The following RIMS2 variants were observed in gnomAD, a reference collection of about 807,000 sequenced individuals.
RIMS2 encodes regulating synaptic membrane exocytosis protein 2.
RIMS2 carries 59 observed loss-of-function variants against 174.4 expected under a neutral mutation model. That is an observed-to-expected ratio of 0.34 (90% confidence interval 0.27 to 0.42). The LOEUF (loss-of-function observed/expected upper bound fraction) is 0.42, where lower values mean the gene tolerates loss of function less well. Among genes scored for constraint, RIMS2 ranks in the 10% least tolerant of loss-of-function variants. RIMS2 has a pLI of 1.00. For synonymous variants in RIMS2, 606 were observed against 572.5 expected, an observed-to-expected ratio of 1.06 and a Z score of -0.84; for missense variants, 1,620 against 1,666.3, an observed-to-expected ratio of 0.97 and a Z score of 0.48.
intron 19 of RIMS2, among the ~76,000 whole-genome samples, chr8:104,085,169 A>C (rs1355762582): frequency 6.6e-6 from 1 of 152,208 alleles, no homozygotes; most frequent in African/African-American, 2.4e-5. Context: ...ATTTTACTTC[A>C]CACAACAAGA....
intron 1 of RIMS2, among the ~76,000 whole-genome samples, chr8:103,647,894 T>TG (rs2096372499): frequency 7.0e-6 from 1 of 143,636 alleles, no homozygotes; most frequent in South Asian, 2.1e-4. Context: ...GATTTTTTTT[T>TG]GATTTTTTTT....
At chr8:103,524,976 A>C (rs559982980) in intron 1 of RIMS2, among the ~76,000 whole-genome samples, 1 of 152,332 alleles carries the variant, frequency 6.6e-6, no homozygotes, top group South Asian at 2.1e-4. Context: ...AGTGCTTCCC[A>C]GTGGCAGAAC....
In RIMS2 at chr8:104,224,525, A is replaced by T. The variant is rs138951887; in HGVS notation, c.3335-20391A>T. On this transcript the variant is annotated intron_variant, in intron 19 of 23. Transcript: ENST00000504942. ...AATCAAAATGATAATTGACTGGTAA[A>T]TAGTAAGTAGTGTCCCAACATTTGA... Among the ~76,000 whole-genome samples, 22 of 152,350 alleles carry T rather than the reference A, an allele frequency of 1.4e-4. No individual in the cohort carries two copies. The South Asian group carries it at 3.1e-3, about 22-fold the overall frequency.
chr8:103,743,095 T>A (rs1303003703), intron 2 of RIMS2, among the ~76,000 whole-genome samples: 1 of 152,190 alleles, frequency 6.6e-6, no homozygotes, highest in Non-Finnish European at 1.5e-5. Context: ...GTTTTAGTCA[T>A]GGGTGTATAA....
At chr8:103,596,871 T>C (rs1232655035) in intron 1 of RIMS2, among the ~76,000 whole-genome samples, 1 of 152,114 alleles carries the variant, frequency 6.6e-6, no homozygotes, top group East Asian at 1.9e-4. Context: ...TTTGTAATAA[T>C]TGCATCACTA....
At chr8:103,872,888 GA>G (rs1184806521) in intron 3 of RIMS2, among the ~76,000 whole-genome samples, 2 of 152,138 alleles carry the variant, frequency 1.3e-5, no homozygotes, top group African/African-American at 4.8e-5. Flanking sequence ...CTATTTGTAA[GA>G]AATTAGAGAG....
chr8:104,206,485 A>T (rs1170124658), intron 19 of RIMS2, among the ~76,000 whole-genome samples: 5 of 152,214 alleles, frequency 3.3e-5, no homozygotes, highest in African/African-American at 4.8e-5. Flanking sequence ...CCATTAAATT[A>T]TCCATTTAAA....
intron 19 of RIMS2, among the ~76,000 whole-genome samples, chr8:104,164,557 T>C (rs907955449): frequency 2.0e-5 from 3 of 152,162 alleles, no homozygotes; most frequent in African/African-American, 7.2e-5. Flanking sequence ...AACCCAAATG[T>C]CCACCAATGA....
At chr8:104,176,406 A>G (rs922653833) in intron 19 of RIMS2, among the ~76,000 whole-genome samples, 1 of 152,128 alleles carries the variant, frequency 6.6e-6, no homozygotes, top group African/African-American at 2.4e-5. Context: ...ACCACTATCA[A>G]CATCATCATA....
chr8:103,594,390 G>A (rs1261986117), intron 1 of RIMS2, among the ~76,000 whole-genome samples: 2 of 151,586 alleles, frequency 1.3e-5, no homozygotes, highest in East Asian at 1.9e-4. Context: ...ATGAATCATA[G>A]TGCTAATGGC....
chr8:103,901,772 C>T (rs1455156875), intron 4 of RIMS2, among the ~76,000 whole-genome samples: 1 of 152,064 alleles, frequency 6.6e-6, no homozygotes, highest in Non-Finnish European at 1.5e-5. Flanking sequence ...TAATGTTTAT[C>T]ATCCTATTTC....
chr8:104,111,148 A>C (rs1241805765), intron 19 of RIMS2, among the ~76,000 whole-genome samples: 1 of 152,178 alleles, frequency 6.6e-6, no homozygotes, highest in East Asian at 1.9e-4. Context: ...TCAAGTAAGG[A>C]TTAACAAATC....
At chr8:103,564,774 C>G (rs927065226) in intron 1 of RIMS2, among the ~76,000 whole-genome samples, 2 of 152,178 alleles carry the variant, frequency 1.3e-5, no homozygotes, top group Non-Finnish European at 2.9e-5. Context: ...TCTCCCTCTC[C>G]CAGTCCACTG....
At chr8:103,555,170 C>T (rs973555648) in intron 1 of RIMS2, among the ~76,000 whole-genome samples, 1 of 151,684 alleles carries the variant, frequency 6.6e-6, no homozygotes, top group Admixed American at 6.6e-5. Flanking sequence ...CACATGTACC[C>T]CTGAAGCTAA....
intron 4 of RIMS2, among the ~76,000 whole-genome samples, chr8:103,907,211 A>G (rs2074610152): frequency 6.6e-6 from 1 of 152,218 alleles, no homozygotes; most frequent in Non-Finnish European, 1.5e-5. Flanking sequence ...CAGTTCTAAC[A>G]TGTTCCCAGG....
chr8:104,140,671 G>C (rs1048118498), intron 19 of RIMS2, among the ~76,000 whole-genome samples: 1 of 152,064 alleles, frequency 6.6e-6, no homozygotes, highest in East Asian at 1.9e-4. Context: ...TTCAGTCCCC[G>C]TATGCCAGAG....
At chr8:104,152,596 GT>G (rs2134159301) in intron 19 of RIMS2, among the ~76,000 whole-genome samples, 1 of 151,862 alleles carries the variant, frequency 6.6e-6, no homozygotes, top group South Asian at 2.1e-4. Context: ...TCAAATTTCA[GT>G]ATTTGAGCAT....
intron 19 of RIMS2, 64 bp from the exon 22 acceptor site, chr8:104,041,262 T>G (rs1266177475): frequency 1.7e-6 from 1 of 584,826 alleles, no homozygotes; most frequent in African/African-American, 1.9e-5. Flanking sequence ...TTTTACCTTT[T>G]GAGTACATCC....
At chr8:103,685,104 C>CTTTTTTTTTTTTTTTTTTTTT (rs58008098) in intron 1 of RIMS2, among the ~76,000 whole-genome samples, 1 of 139,070 alleles carries the variant, frequency 7.2e-6, no homozygotes. Context: ...TTTTCTTTTT[C>CTTTTTTTTTTTTTTTTTTTTT]TTTTTTTTTT....
Sources: gnomAD v4.1 joint callset for allele counts (sites outside exome capture counted in the v4.1 genomes callset) on GRCh38, gnomAD v4.1.1 for gene constraint, MANE v1.5 for transcripts, NCBI Gene and HGNC (gene_info 2026-07-23, HGNC 2026-07-21) for gene names.